Variants in TMEM132B observed in about 807,000 individuals in gnomAD.
The protein encoded by TMEM132B is transmembrane protein 132B.
A neutral mutation model predicts 90.8 loss-of-function variants in TMEM132B; 18 were observed. That is an observed-to-expected ratio of 0.20 (90% confidence interval 0.14 to 0.29). The LOEUF (loss-of-function observed/expected upper bound fraction) is 0.29, where lower values mean the gene tolerates loss of function less well. Ranked by LOEUF, TMEM132B falls within the 10% of genes least tolerant of loss-of-function variation. TMEM132B has a pLI of 1.00. For synonymous variants in TMEM132B, 504 were observed against 523.3 expected (o/e 0.96, Z 0.50); for missense variants, 1,096 against 1,326.8 (o/e 0.83, Z 2.70).
chr12:125,651,879 C>T (rs1426275540), intron 7 of TMEM132B, among the ~76,000 whole-genome samples: 3 of 151,048 alleles, frequency 2.0e-5, no homozygotes, highest in African/African-American at 7.4e-5. Context: ...CCAGGGGTCA[C>T]CAGGGGTCAC....
chr12:125,313,502 T>G (rs1876169584), intron 1 of TMEM132B, among the ~76,000 whole-genome samples: 6 of 140,616 alleles, frequency 4.3e-5, no homozygotes, highest in Admixed American at 4.2e-4. Context: ...TCCTTCCCTT[T>G]CTCTCTCCCT....
chr12:125,547,933 G>A (rs1047701301), intron 4 of TMEM132B, among the ~76,000 whole-genome samples: 4 of 152,324 alleles, frequency 2.6e-5, no homozygotes, highest in Non-Finnish European at 4.4e-5. Flanking sequence ...AAAGGAAACT[G>A]AGCTATGCTT....
intron 5 of TMEM132B, among the ~76,000 whole-genome samples, chr12:125,607,315 A>G (rs1885721519): frequency 6.6e-6 from 1 of 152,216 alleles, no homozygotes; most frequent in East Asian, 1.9e-4. Flanking sequence ...GAACGAAAAG[A>G]GGTTTAGAGA....
intron 5 of TMEM132B, among the ~76,000 whole-genome samples, chr12:125,601,821 A>C (rs1198649126): frequency 1.3e-5 from 2 of 152,256 alleles, no homozygotes; most frequent in African/African-American, 4.8e-5. Flanking sequence ...ACCATCAGAG[A>C]ATACTATAAA....
chr12:125,195,214 G>A lies in TMEM132B; in HGVS notation c.67+8348G>A, dbSNP rs149996658. The stretch of plus-strand genomic sequence containing the variant: ...TGCCAGCCCCTGTCCGTGGTGCTGG[G>A]GATATCAGCAGGAAAAAGACAGGCA... On this transcript the variant is annotated intron_variant, in intron 1 of 8. Coordinates refer to ENST00000682704, the MANE Select transcript of TMEM132B (RefSeq NM_001366854.1). 2.3e-3 allele frequency among the ~76,000 whole-genome samples: 356 copies of A among 151,996 alleles called. 1 individual carries two copies. Among genetic ancestry groups the A allele is most frequent in the Non-Finnish European group, 3.5e-3 (237 of 67,994 alleles).
chr12:125,433,786 TA>T (rs35597931), intron 3 of TMEM132B, among the ~76,000 whole-genome samples: 14 of 151,116 alleles, frequency 9.3e-5, no homozygotes, highest in Non-Finnish European at 1.5e-4. Flanking sequence ...TATGCAGCCA[TA>T]AAAAATGATA....
chr12:125,342,379 C>T (rs550921684), intron 1 of TMEM132B, among the ~76,000 whole-genome samples: 54 of 152,288 alleles, frequency 3.5e-4, no homozygotes, highest in Non-Finnish European at 6.5e-4. Context: ...CCCCTCACCC[C>T]GTGCCTCAGT....
At chr12:125,464,703 C>A (rs1392916036) in intron 3 of TMEM132B, among the ~76,000 whole-genome samples, 1 of 152,188 alleles carries the variant, frequency 6.6e-6, no homozygotes, top group Non-Finnish European at 1.5e-5. Context: ...CACCAGGCAA[C>A]TTTGGTGTTC....
chr12:125,376,121 C>G (rs1055775469), intron 2 of TMEM132B, among the ~76,000 whole-genome samples: 1 of 152,186 alleles, frequency 6.6e-6, no homozygotes, highest in Non-Finnish European at 1.5e-5. Context: ...TCTTGCTAAT[C>G]TCCTTGTCTG....
At chr12:125,522,322 G>GA (rs1401287688) in intron 4 of TMEM132B, among the ~76,000 whole-genome samples, 1 of 152,232 alleles carries the variant, frequency 6.6e-6, no homozygotes, top group Non-Finnish European at 1.5e-5. Context: ...TGTGAACACG[G>GA]AAAGTTTAAA....
At chr12:125,359,948 C>T (rs1394049674) in intron 2 of TMEM132B, among the ~76,000 whole-genome samples, 5 of 152,114 alleles carry the variant, frequency 3.3e-5, no homozygotes, top group Admixed American at 2.0e-4. Flanking sequence ...CGTGGTGGCA[C>T]GTGCCTCTAG....
At position 125,498,765 on chromosome 12, in the gene TMEM132B, G is replaced by A. The variant is rs1882621315; in HGVS notation, c.1107-20674G>A. Among the ~76,000 whole-genome samples the A allele has an allele frequency of 6.6e-6, 1 of 152,208 alleles. No individual in the cohort carries two copies. The highest frequency in any genetic ancestry group is 2.1e-4 in the South Asian group (1 of 4,830). ...GGGCTTGTTCTAATGTCCTTACAGA[G>A]GATACTGGTTAACGGTGTCTCTGGA... On this transcript the variant is annotated intron_variant, in intron 3 of 8. Transcript: ENST00000682704. The surrounding 1 kb of genome is among the most constrained non-coding windows in gnomAD (Gnocchi z 4.5).
chr12:125,484,041 G>A (rs1476862370), intron 3 of TMEM132B, among the ~76,000 whole-genome samples: 2 of 152,116 alleles, frequency 1.3e-5, no homozygotes, highest in Non-Finnish European at 2.9e-5. Context: ...CCCTAAGAAA[G>A]TGTTCTTTCA....
chr12:125,474,034 C>T (rs950193861), intron 3 of TMEM132B, among the ~76,000 whole-genome samples: 15 of 140,664 alleles, frequency 1.1e-4, no homozygotes, highest in Non-Finnish European at 9.1e-5. Flanking sequence ...TTCTTTCCTT[C>T]CTTCCTTCCT....
chr12:125,454,833 T>C (rs182120895), intron 3 of TMEM132B, among the ~76,000 whole-genome samples: 238 of 152,358 alleles, frequency 1.6e-3, no homozygotes, highest in African/African-American at 5.6e-3. Context: ...CTGTGAACTA[T>C]CTCTAGGTTA....
At chr12:125,193,045 G>A (rs1351229549) in intron 1 of TMEM132B, among the ~76,000 whole-genome samples, 1 of 152,186 alleles carries the variant, frequency 6.6e-6, no homozygotes, top group Non-Finnish European at 1.5e-5. Flanking sequence ...CCCTGAGGCT[G>A]TTAGCACAGG....
chr12:125,436,807 C>T (rs976623792), intron 3 of TMEM132B, among the ~76,000 whole-genome samples: 6 of 152,170 alleles, frequency 3.9e-5, no homozygotes, highest in African/African-American at 1.4e-4. Flanking sequence ...GTCCACCTCC[C>T]TGGAACATAG....
At chr12:125,417,254 C>T (rs1880042332) in intron 3 of TMEM132B, among the ~76,000 whole-genome samples, 1 of 152,154 alleles carries the variant, frequency 6.6e-6, no homozygotes, top group African/African-American at 2.4e-5. Context: ...CCCTTTTTAC[C>T]AGGGAGGAAA....
intron 1 of TMEM132B, among the ~76,000 whole-genome samples, chr12:125,200,758 G>A (rs1873037059): frequency 2.6e-5 from 4 of 152,210 alleles, no homozygotes; most frequent in Non-Finnish European, 5.9e-5. Flanking sequence ...GTTGGGAGAT[G>A]GTGGAAGAAG....
Sources: allele counts gnomAD v4.1 joint callset (sites outside exome capture counted in the v4.1 genomes callset), GRCh38; gene constraint gnomAD v4.1.1; non-coding constraint Gnocchi (gnomAD v3.1); transcripts MANE v1.5; gene names NCBI Gene and HGNC (gene_info 2026-07-23, HGNC 2026-07-21).